Variants in LRRTM3 observed in about 807,000 individuals in gnomAD.
LRRTM3 encodes the protein leucine rich repeat transmembrane neuronal 3, also known as leucine-rich repeat transmembrane neuronal protein 3.
Under a neutral mutation model 44.7 loss-of-function variants are expected in LRRTM3, and 24 were observed. The observed-to-expected ratio is 0.54, with a 90% confidence interval of 0.39 to 0.76. LRRTM3 has a LOEUF of 0.76. Ranked by LOEUF, LRRTM3 falls within the 30% of genes least tolerant of loss-of-function variation. The pLI is 0.00. For synonymous variants in LRRTM3, 277 were observed against 278.7 expected (o/e 0.99, Z 0.06); for missense variants, 587 against 702.2 (o/e 0.84, Z 1.85).
At chr10:67,040,634 A>G (rs1045812663) in intron 2 of LRRTM3, among the ~76,000 whole-genome samples, 17 of 152,098 alleles carry the variant, frequency 1.1e-4, no homozygotes, top group Non-Finnish European at 2.5e-4. Context: ...TAAACAGTAT[A>G]CAATGGTGAC....
rs149215034 is a variant in LRRTM3 at position 66,927,973 on chromosome 10, G to C, written c.1057G>C (p.Asp353His). The C allele has an allele frequency of 1.2e-6, 2 of 1,614,188 alleles. No individual in the cohort carries two copies. Among genetic ancestry groups the C allele is most frequent in the East Asian group, 2.2e-5 (1 of 44,884 alleles). Reference protein sequence around the residue: ...PKELQGVNVIDAVKNYSICGK... With the variant: ...PKELQGVNVIHAVKNYSICGK... ...AGAGCTGCAAGGAGTAAATGTGATC[G>C]ATGCAGTGAAGAACTACAGCATCTG... The change falls in exon 2 of 3, where the codon GAT (aspartate) becomes CAT (histidine). Residue 353 changes from aspartate (D) to histidine (H), a missense_variant. Transcript: ENST00000361320. The surrounding 1 kb of genome is among the most constrained non-coding windows in gnomAD (Gnocchi z 4.7).
intron 2 of LRRTM3, among the ~76,000 whole-genome samples, chr10:67,095,270 A>G (rs1270076440): frequency 2.6e-5 from 4 of 151,658 alleles, no homozygotes; most frequent in African/African-American, 4.8e-5. Flanking sequence ...TCTCAATTAC[A>G]TGGAAATGAT....
intron 2 of LRRTM3, among the ~76,000 whole-genome samples, chr10:66,940,460 C>T (rs1355093371): frequency 6.6e-6 from 1 of 152,130 alleles, no homozygotes; most frequent in African/African-American, 2.4e-5. Context: ...AGCAACAGAG[C>T]AAGATCATGT....
chr10:67,040,720 G>T (rs143695752), intron 2 of LRRTM3, among the ~76,000 whole-genome samples: 103 of 152,018 alleles, frequency 6.8e-4, no homozygotes, highest in African/African-American at 2.4e-3. Context: ...GTAATAAAAA[G>T]GTTAACCAAG....
chr10:66,936,420 C>T (rs553157456), intron 2 of LRRTM3, among the ~76,000 whole-genome samples: 30 of 152,056 alleles, frequency 2.0e-4, no homozygotes, highest in African/African-American at 4.1e-4. Flanking sequence ...TTTAAGCTGA[C>T]ATTCCTTCTA....
At chr10:66,971,452 C>T (rs1849721474) in intron 2 of LRRTM3, among the ~76,000 whole-genome samples, 1 of 151,686 alleles carries the variant, frequency 6.6e-6, no homozygotes, top group African/African-American at 2.4e-5. Flanking sequence ...TACATACATA[C>T]ATAAACAGTG....
At chr10:67,004,452 C>T (rs370492160) in intron 2 of LRRTM3, among the ~76,000 whole-genome samples, 1 of 152,204 alleles carries the variant, frequency 6.6e-6, no homozygotes, top group East Asian at 1.9e-4. Context: ...GGCATGGTGT[C>T]TGATACTTCA....
intron 2 of LRRTM3, among the ~76,000 whole-genome samples, chr10:66,974,505 C>T (rs1388739286): frequency 6.6e-6 from 1 of 152,118 alleles, no homozygotes; most frequent in East Asian, 1.9e-4. Flanking sequence ...GTTTTTATTT[C>T]TCCTGGGTAA....
At chr10:67,050,737 C>T (rs1044044530) in intron 2 of LRRTM3, among the ~76,000 whole-genome samples, 11 of 152,130 alleles carry the variant, frequency 7.2e-5, no homozygotes, top group African/African-American at 2.7e-4. Flanking sequence ...AATGACCACT[C>T]GCATCAAATT....
chr10:67,039,743 C>G (rs1163711723), intron 2 of LRRTM3, among the ~76,000 whole-genome samples: 1 of 152,088 alleles, frequency 6.6e-6, no homozygotes, highest in Non-Finnish European at 1.5e-5. Context: ...AAAATCGAAA[C>G]AAGCAAGTAG....
intron 2 of LRRTM3, among the ~76,000 whole-genome samples, chr10:66,989,665 A>G (rs1410247486): frequency 6.6e-6 from 1 of 152,138 alleles, no homozygotes; most frequent in African/African-American, 2.4e-5. Flanking sequence ...ACCTAACGTA[A>G]CAGTCTTTAC....
intron 2 of LRRTM3, among the ~76,000 whole-genome samples, chr10:67,016,829 G>A (rs571249598): frequency 6.6e-6 from 1 of 152,132 alleles, no homozygotes; most frequent in Non-Finnish European, 1.5e-5. Flanking sequence ...GATAATTTTA[G>A]TAGACTTTGA....
chr10:67,004,339 C>G (rs1851850879), intron 2 of LRRTM3, among the ~76,000 whole-genome samples: 1 of 152,140 alleles, frequency 6.6e-6, no homozygotes, highest in Admixed American at 6.5e-5. Context: ...TATCAATATT[C>G]ATGTGAATCA....
intron 2 of LRRTM3, among the ~76,000 whole-genome samples, chr10:67,039,724 T>C (rs987058408): frequency 1.3e-5 from 2 of 152,096 alleles, no homozygotes; most frequent in African/African-American, 4.8e-5. Flanking sequence ...ATCCCAAAAA[T>C]GCACCTGCAA....
intron 2 of LRRTM3, among the ~76,000 whole-genome samples, chr10:67,035,587 A>G (rs1216495067): frequency 6.6e-6 from 1 of 152,140 alleles, no homozygotes; most frequent in Non-Finnish European, 1.5e-5. Context: ...CAAAAACCCT[A>G]TCAGAAGCTT....
At chr10:67,010,213 T>C (rs1269567691) in intron 2 of LRRTM3, among the ~76,000 whole-genome samples, 1 of 152,168 alleles carries the variant, frequency 6.6e-6, no homozygotes, top group Non-Finnish European at 1.5e-5. Context: ...CATATTGTTC[T>C]TTAGAAAAGT....
intron 2 of LRRTM3, among the ~76,000 whole-genome samples, chr10:66,966,608 A>G (rs1849425752): frequency 6.6e-6 from 1 of 152,120 alleles, no homozygotes; most frequent in Non-Finnish European, 1.5e-5. Context: ...AAAATTTAAT[A>G]GATCATACAC....
chr10:67,013,501 C>A (rs914921700), intron 2 of LRRTM3, among the ~76,000 whole-genome samples: 2 of 152,162 alleles, frequency 1.3e-5, no homozygotes, highest in Non-Finnish European at 2.9e-5. Flanking sequence ...CATTCACGTG[C>A]TGTGCAAAAA....
chr10:67,084,144 T>C (rs1179513336), intron 2 of LRRTM3, among the ~76,000 whole-genome samples: 3 of 152,222 alleles, frequency 2.0e-5, no homozygotes, highest in Non-Finnish European at 4.4e-5. Flanking sequence ...AATTCACTTA[T>C]CACTTTTAAC....
Sources: allele counts gnomAD v4.1 joint callset (sites outside exome capture counted in the v4.1 genomes callset), GRCh38; gene constraint gnomAD v4.1.1; non-coding constraint Gnocchi (gnomAD v3.1); transcripts MANE v1.5; gene names NCBI Gene and HGNC (gene_info 2026-07-23, HGNC 2026-07-21).